The following MGAT5 variants were observed in gnomAD, a reference collection of about 807,000 sequenced individuals.
MGAT5 encodes the protein alpha-1,6-mannosylglycoprotein 6-beta-N-acetylglucosaminyltransferase A.
In MGAT5, 30 loss-of-function variants were observed where a neutral mutation model predicts 94.3. That is an observed-to-expected ratio of 0.32 (90% CI 0.24 to 0.43). MGAT5 has a LOEUF of 0.43. Among genes scored for constraint, MGAT5 ranks in the 20% least tolerant of loss-of-function variants. MGAT5 has a pLI of 1.00. For synonymous variants in MGAT5, 310 were observed against 322.9 expected, an observed-to-expected ratio of 0.96 and a Z score of 0.43; for missense variants, 691 against 905.5, an observed-to-expected ratio of 0.76 and a Z score of 3.04.
At chr2:134,280,899 T>G (rs1327221800) in intron 2 of MGAT5, among the ~76,000 whole-genome samples, 5 of 152,246 alleles carry the variant, frequency 3.3e-5, no homozygotes, top group African/African-American at 9.6e-5. Flanking sequence ...GGGCCAGGCA[T>G]GTAGCAGATG....
intron 6 of MGAT5, among the ~76,000 whole-genome samples, chr2:134,340,342 C>T (rs1181281441): frequency 6.6e-6 from 1 of 152,176 alleles, no homozygotes; most frequent in Non-Finnish European, 1.5e-5. Flanking sequence ...TCAGGCACAT[C>T]TGTCTACCCA....
At chr2:134,264,014 TA>T (rs1412789643) in intron 1 of MGAT5, among the ~76,000 whole-genome samples, 1 of 142,674 alleles carries the variant, frequency 7.0e-6, no homozygotes, top group Non-Finnish European at 1.5e-5. Context: ...CTTATGCCAT[TA>T]GGTTTTTTTT....
Position 134,254,402 on chromosome 2 carries a change from C to T in MGAT5, c.-2C>T. On this transcript the variant is annotated 5_prime_UTR_variant, in exon 1 of 16. Coordinates refer to ENST00000281923, the MANE Select transcript of MGAT5 (RefSeq NM_002410.5). Reference sequence around the variant, plus strand: ...AAGGACAGGTGAAGTTGCCAGAGAGCAATGGCTCTCTTCACTCCGTGGAAG... The same window carrying T: ...AAGGACAGGTGAAGTTGCCAGAGAGTAATGGCTCTCTTCACTCCGTGGAAG... 5.0e-6 allele frequency: 8 copies of T among 1,614,128 alleles called. No homozygotes were observed. Among genetic ancestry groups the T allele is most frequent in the Non-Finnish European group, 6.8e-6 (8 of 1,180,006 alleles).
At chr2:134,193,813 T>A (rs1016241623) in intron 1 of MGAT5, among the ~76,000 whole-genome samples, 1 of 151,920 alleles carries the variant, frequency 6.6e-6, no homozygotes, top group Non-Finnish European at 1.5e-5. Flanking sequence ...TTCTGCTAGA[T>A]CCCATTTTTG....
rs2321863 is a variant in MGAT5, at chr2:134,383,425, C to T, written c.1381-19563C>T. On this transcript the variant is annotated intron_variant, in intron 10 of 15. Coordinates refer to ENST00000281923, the MANE Select transcript of MGAT5 (RefSeq NM_002410.5). Reference sequence around the variant, plus strand: ...ATTTTTCTTATAAAACGCCAAATGCCTCCAATTTAAATCAAGCACTGAAAG... The same window carrying T: ...ATTTTTCTTATAAAACGCCAAATGCTTCCAATTTAAATCAAGCACTGAAAG... Among the ~76,000 whole-genome samples the T allele has an allele frequency of 8.7e-3, 1,319 of 152,258 alleles. 12 individuals carry two copies. The highest frequency in any genetic ancestry group is 0.013 in the Non-Finnish European group (866 of 68,026).
intron 1 of MGAT5, among the ~76,000 whole-genome samples, chr2:134,269,967 T>C (rs1432577847): frequency 6.6e-6 from 1 of 152,252 alleles, no homozygotes; most frequent in Non-Finnish European, 1.5e-5. Flanking sequence ...TGGGACATGC[T>C]AGAGTATGCA....
At position 134,402,866 on chromosome 2, in the gene MGAT5, T is replaced by C. The variant is rs554557793; in HGVS notation, c.1381-122T>C. 1.7e-5 allele frequency: 17 copies of C among 971,966 alleles called. No homozygotes were observed. In the East Asian group the frequency reaches 3.1e-4, roughly 18 times the overall value. The allele number at this position is 971,966 out of a possible 1,614,324, so 60.2% of individuals were successfully genotyped here. On this transcript the variant is annotated intron_variant, in intron 10 of 15. Transcript: ENST00000281923. ...TAGCAGTTTGATTGCCAAATTCCTGTGATCTCCATATTAAGAACTCTCTGT... is the reference window on the plus strand; with the variant it reads ...TAGCAGTTTGATTGCCAAATTCCTGCGATCTCCATATTAAGAACTCTCTGT...
intron 1 of MGAT5, among the ~76,000 whole-genome samples, chr2:134,203,772 C>A (rs529771083): frequency 6.6e-6 from 1 of 152,122 alleles, no homozygotes; most frequent in Non-Finnish European, 1.5e-5. Context: ...GAATTGTATT[C>A]ATTTTTTCCT....
At chr2:134,348,520 T>C (rs185149236) in intron 8 of MGAT5, among the ~76,000 whole-genome samples, 2 of 152,300 alleles carry the variant, frequency 1.3e-5, no homozygotes, top group Admixed American at 1.3e-4. Context: ...TCCTAAAAAG[T>C]CCATTCTCAT....
intron 2 of MGAT5, among the ~76,000 whole-genome samples, chr2:134,302,712 AATG>A (rs1355637382): frequency 1.5e-5 from 2 of 136,986 alleles, no homozygotes; most frequent in East Asian, 4.7e-4. Flanking sequence ...GCATTTAAGA[AATG>A]CTGTGTGTGT....
At chr2:134,366,907 G>T (rs1680468930) in intron 10 of MGAT5, among the ~76,000 whole-genome samples, 1 of 152,110 alleles carries the variant, frequency 6.6e-6, no homozygotes, top group African/African-American at 2.4e-5. Context: ...GTCACTTTTT[G>T]CTACTGTAGG....
intron 14 of MGAT5, among the ~76,000 whole-genome samples, chr2:134,435,695 A>G (rs1685131402): frequency 1.3e-5 from 2 of 152,212 alleles, no homozygotes; most frequent in Admixed American, 6.5e-5. Flanking sequence ...CATGTTATAC[A>G]TTATGATTAA....
chr2:134,238,104 C>A (rs1681765747), intron 1 of MGAT5, among the ~76,000 whole-genome samples: 1 of 152,080 alleles, frequency 6.6e-6, no homozygotes, highest in South Asian at 2.1e-4. Context: ...AGTTTGGAGA[C>A]CTTCTAAGCG....
At chr2:134,305,155 A>G (rs1470892139) in intron 2 of MGAT5, among the ~76,000 whole-genome samples, 1 of 152,178 alleles carries the variant, frequency 6.6e-6, no homozygotes. Flanking sequence ...TCAATTCTGC[A>G]TTATCTTGCA....
At chr2:134,193,722 T>G (rs1679354578) in intron 1 of MGAT5, among the ~76,000 whole-genome samples, 1 of 148,402 alleles carries the variant, frequency 6.7e-6, no homozygotes, top group Admixed American at 6.8e-5. Context: ...TGTGTGTGTG[T>G]GTGTGTTTTG....
At chr2:134,378,274 C>A (rs1172132401) in intron 10 of MGAT5, among the ~76,000 whole-genome samples, 2 of 152,106 alleles carry the variant, frequency 1.3e-5, no homozygotes, top group African/African-American at 4.8e-5. Context: ...GAGGTGGAGA[C>A]CGTATTGGGG....
At chr2:134,425,449 A>G (rs2106369265) in intron 13 of MGAT5, among the ~76,000 whole-genome samples, 1 of 149,062 alleles carries the variant, frequency 6.7e-6, no homozygotes, top group East Asian at 2.0e-4. Flanking sequence ...CTTTCTTTTT[A>G]AGTGTTGAGG....
intron 1 of MGAT5, among the ~76,000 whole-genome samples, chr2:134,241,468 GT>G (rs1174327598): frequency 2.0e-4 from 30 of 152,238 alleles, no homozygotes; most frequent in African/African-American, 7.2e-4. Flanking sequence ...TATGCATTTG[GT>G]CCCCACACCA....
At chr2:134,429,175 T>TC (rs113585784) in intron 14 of MGAT5, among the ~76,000 whole-genome samples, 6,754 of 152,236 alleles carry the variant, frequency 0.044, 450 homozygotes, top group African/African-American at 0.14. Flanking sequence ...TTTAAGGCAA[T>TC]CAAGGGATCT....
Sources: gnomAD v4.1 joint callset for allele counts (sites outside exome capture counted in the v4.1 genomes callset) on GRCh38, gnomAD v4.1.1 for gene constraint, MANE v1.5 for transcripts, NCBI Gene and HGNC (gene_info 2026-07-23, HGNC 2026-07-21) for gene names.